The following RARB variants were observed in gnomAD, a reference collection of about 807,000 sequenced individuals.
The protein encoded by RARB is HBV-activated protein.
In RARB, 17 loss-of-function variants were observed where a neutral mutation model predicts 51.9. That is an observed-to-expected ratio of 0.33 (90% CI 0.22 to 0.49). RARB has a LOEUF of 0.49. Ranked by LOEUF, RARB falls within the 20% of genes least tolerant of loss-of-function variation. The probability of loss-of-function intolerance (pLI) is 0.99; values close to 1 mark genes in which losing one functional copy is unlikely to be tolerated. For missense variants in RARB, 369 were observed against 550.8 expected (o/e 0.67, Z 3.30); for synonymous variants, 215 against 195.4 (o/e 1.10, Z -0.84).
chr3:25,346,640 A>C (rs1451585911), intron 5 of RARB, among the ~76,000 whole-genome samples: 1 of 152,090 alleles, frequency 6.6e-6, no homozygotes, highest in East Asian at 1.9e-4. Context: ...ATTGTCTCTC[A>C]CCAATTAATC....
At chr3:25,578,111 C>A (rs2125301236) in intron 4 of RARB, among the ~76,000 whole-genome samples, 1 of 152,354 alleles carries the variant, frequency 6.6e-6, no homozygotes, top group East Asian at 1.9e-4. Flanking sequence ...CCTGCACACT[C>A]AGAAATGCTG....
chr3:25,278,306 T>C lies in RARB; in HGVS notation c.178+103731T>C, dbSNP rs534366207. ...AAATGAAATAATGTATGTGAAACTT[T>C]TGTGAGCTTTAAATATGATGCAAAT... On this transcript the variant is annotated intron_variant, in intron 5 of 11. Transcript: ENST00000383772. Among the ~76,000 whole-genome samples the C allele has an allele frequency of 5.3e-5, 8 of 152,330 alleles. 1 individual carries two copies. The highest frequency in any genetic ancestry group is 2.1e-4 in the South Asian group (1 of 4,832).
chr3:24,939,871 C>T (rs12629369), intron 2 of RARB, among the ~76,000 whole-genome samples: 72,971 of 151,990 alleles, frequency 0.48, 18,242 homozygotes, highest in East Asian at 0.7. Flanking sequence ...TGACTACTAA[C>T]ATACATAACA....
Position 25,201,947 on chromosome 3 carries a change from C to G in RARB, c.178+27372C>G, listed in dbSNP as rs532532026. 1.1e-4 allele frequency among the ~76,000 whole-genome samples: 16 copies of G among 152,194 alleles called. 1 individual carries two copies. In the East Asian group the frequency reaches 2.1e-3, roughly 20 times the overall value. On this transcript the variant is annotated intron_variant, in intron 5 of 11. Transcript: ENST00000383772. Reference sequence around the variant, plus strand: ...TTTGGTATCAGGATGATGCTGGCCTCGTAAAATGAGTTAGGGAGGATTCCC... The same window carrying G: ...TTTGGTATCAGGATGATGCTGGCCTGGTAAAATGAGTTAGGGAGGATTCCC...
At chr3:24,970,396 G>C (rs1397456998) in intron 2 of RARB, among the ~76,000 whole-genome samples, 1 of 151,988 alleles carries the variant, frequency 6.6e-6, no homozygotes, top group Non-Finnish European at 1.5e-5. Flanking sequence ...AACCAGACAA[G>C]AAGACAATTC....
At chr3:25,411,649 C>T (rs140608409) in intron 5 of RARB, among the ~76,000 whole-genome samples, 3 of 152,290 alleles carry the variant, frequency 2.0e-5, no homozygotes, top group African/African-American at 4.8e-5. Flanking sequence ...CTCAAATCGC[C>T]CGAGGAATAT....
At chr3:25,491,940 C>CA (rs58891196) in intron 2 of RARB, among the ~76,000 whole-genome samples, 113 of 143,332 alleles carry the variant, frequency 7.9e-4, no homozygotes, top group Middle Eastern at 3.6e-3. Context: ...GACTCTGTCT[C>CA]AAAAAAAAAA....
chr3:25,445,353 A>G (rs1036110469), intron 1 of RARB, among the ~76,000 whole-genome samples: 2 of 152,144 alleles, frequency 1.3e-5, no homozygotes, highest in African/African-American at 4.8e-5. Flanking sequence ...GTAGACAGTT[A>G]TTTCATACTT....
intron 1 of RARB, among the ~76,000 whole-genome samples, chr3:25,454,634 C>A (rs538952625): frequency 6.6e-6 from 1 of 152,002 alleles, no homozygotes; most frequent in African/African-American, 2.4e-5. Context: ...AACCTAAAAT[C>A]CTGAAATCTG....
chr3:25,589,770 T>C (rs1701541307), intron 5 of RARB, among the ~76,000 whole-genome samples: 1 of 152,248 alleles, frequency 6.6e-6, no homozygotes, highest in Non-Finnish European at 1.5e-5. Context: ...GAGCTTTGTG[T>C]TGTCCAACAG....
intron 3 of RARB, among the ~76,000 whole-genome samples, chr3:25,081,296 C>T (rs971291358): frequency 5.3e-5 from 8 of 151,718 alleles, no homozygotes; most frequent in African/African-American, 1.9e-4. Flanking sequence ...ATATTTGACA[C>T]TTAGAATTTA....
At chr3:25,086,638 C>A (rs1003782659) in intron 3 of RARB, among the ~76,000 whole-genome samples, 2 of 151,850 alleles carry the variant, frequency 1.3e-5, no homozygotes, top group South Asian at 2.1e-4. Context: ...AGACATCAAC[C>A]AATACATGTA....
At chr3:25,594,900 T>G (rs940816771) in intron 7 of RARB, among the ~76,000 whole-genome samples, 4 of 151,906 alleles carry the variant, frequency 2.6e-5, no homozygotes, top group Non-Finnish European at 5.9e-5. Flanking sequence ...ATTGAGAGCT[T>G]TAAAATTCAT....
intron 2 of RARB, among the ~76,000 whole-genome samples, chr3:24,918,304 C>T (rs1169268413): frequency 2.0e-5 from 3 of 152,110 alleles, no homozygotes; most frequent in African/African-American, 7.2e-5. Context: ...TGAAGGAGAC[C>T]AGATGTCAAA....
intron 5 of RARB, among the ~76,000 whole-genome samples, chr3:25,276,870 T>C (rs1404872208): frequency 6.6e-6 from 1 of 152,216 alleles, no homozygotes; most frequent in Non-Finnish European, 1.5e-5. Flanking sequence ...CGGTATATAT[T>C]GGCAGTAATC....
intron 3 of RARB, among the ~76,000 whole-genome samples, chr3:25,508,133 G>A (rs1697701348): frequency 6.6e-6 from 1 of 152,160 alleles, no homozygotes; most frequent in Non-Finnish European, 1.5e-5. Flanking sequence ...TCCTATGACA[G>A]TTTCATAAGT....
chr3:25,266,725 C>T (rs1430967274), intron 5 of RARB, among the ~76,000 whole-genome samples: 1 of 152,112 alleles, frequency 6.6e-6, no homozygotes, highest in African/African-American at 2.4e-5. Context: ...AGGCTGGAGA[C>T]TTATCTGATA....
At chr3:25,511,238 T>C (rs1697879877) in intron 3 of RARB, among the ~76,000 whole-genome samples, 1 of 152,064 alleles carries the variant, frequency 6.6e-6, no homozygotes, top group South Asian at 2.1e-4. Context: ...GTTCACGCCA[T>C]TCTCCTGCCT....
At chr3:25,287,925 T>G (rs531793930) in intron 5 of RARB, among the ~76,000 whole-genome samples, 1 of 151,984 alleles carries the variant, frequency 6.6e-6, no homozygotes, top group Non-Finnish European at 1.5e-5. Context: ...CTATGTAAGA[T>G]CACAAACTTA....
Sources: allele counts gnomAD v4.1 joint callset (sites outside exome capture counted in the v4.1 genomes callset), GRCh38; gene constraint gnomAD v4.1.1; transcripts MANE v1.5; gene names NCBI Gene and HGNC (gene_info 2026-07-23, HGNC 2026-07-21).